Variants in SHOC1 observed in about 807,000 individuals in gnomAD.
SHOC1 encodes shortage in chiasmata 1.
SHOC1 carries 136 observed loss-of-function variants against 179.2 expected under a neutral mutation model. The ratio of observed to expected loss-of-function variants is 0.76; its 90% CI spans 0.66 to 0.87. The LOEUF is 0.87. Among genes scored for constraint, SHOC1 ranks in the 40% least tolerant of loss-of-function variants. SHOC1 has a pLI of 0.00. For missense variants in SHOC1, 1,538 were observed against 1,700.8 expected (o/e 0.90, Z 1.68); for synonymous variants, 489 against 586.6 (o/e 0.83, Z 2.41).
intron 3 of SHOC1, 130 bp from the exon 4 acceptor site, chr9:111,781,147 T>C (rs2131633001): frequency 1.5e-6 from 1 of 655,926 alleles, no homozygotes; most frequent in Non-Finnish European, 2.6e-6. Context: ...TTCAAAGTGA[T>C]ACCTGATTCC....
In SHOC1 at chr9:111,785,950, G is replaced by A; in HGVS notation, c.131C>T (p.Ala44Val). 6.6e-7 allele frequency: 1 copy of A among 1,522,834 alleles called. No individual in the cohort carries two copies. Among genetic ancestry groups the A allele is most frequent in the Non-Finnish European group, 8.8e-7 (1 of 1,135,854 alleles). 94.3% of individuals were successfully genotyped at this position (1,522,834 alleles called of 1,614,324 possible). A position where few individuals can be genotyped will look rare whatever the true frequency, so the allele number is the denominator to read the frequency against. The part of the protein sequence containing the change: ...CLYQDESYHV[A>V]VTDNKFRRPW... Reference sequence around the variant, plus strand: ...CCTCCTAAATTTATTATCAGTAACTGCTACATGGTAACTTTCATCTTGATA... The same window carrying A: ...CCTCCTAAATTTATTATCAGTAACTACTACATGGTAACTTTCATCTTGATA... The change falls in exon 3 of 28, where the codon GCA becomes GTA. Residue 44 changes from alanine to valine, a missense_variant. Ala to Val is a moderately conservative substitution (Grantham distance 64). Transcript: ENST00000682961.
At chr9:111,715,775 C>G (rs1253571301) in intron 16 of SHOC1, among the ~76,000 whole-genome samples, 2 of 152,032 alleles carry the variant, frequency 1.3e-5, no homozygotes, top group Admixed American at 6.5e-5. Flanking sequence ...TAAAAACATA[C>G]CCATCTTAAG....
At chr9:111,731,198 T>G (rs1209994270) in intron 12 of SHOC1, among the ~76,000 whole-genome samples, 3 of 152,218 alleles carry the variant, frequency 2.0e-5, no homozygotes, top group Non-Finnish European at 2.9e-5. Flanking sequence ...GCAATAAGAC[T>G]ATTTAACTTT....
intron 11 of SHOC1, among the ~76,000 whole-genome samples, chr9:111,740,260 TCTACA>T (rs1833973791): frequency 6.6e-6 from 1 of 152,192 alleles, no homozygotes; most frequent in African/African-American, 2.4e-5. Context: ...ATTTCTTGAC[TCTACA>T]CTACATGTCG....
chr9:111,714,759 A>C (rs1403847524), intron 16 of SHOC1, 136 bp from the exon 17 acceptor site: 1 of 771,284 alleles, frequency 1.3e-6, no homozygotes, highest in Non-Finnish European at 2.0e-6. Flanking sequence ...ATTTTGATCA[A>C]AGACACTAAT....
chr9:111,723,337 A>G (rs1356841586), intron 14 of SHOC1, among the ~76,000 whole-genome samples: 1 of 152,214 alleles, frequency 6.6e-6, no homozygotes, highest in African/African-American at 2.4e-5. Context: ...TTAATAATGA[A>G]TCTGATGTTC....
chr9:111,771,798 T>A (rs1291161530), intron 5 of SHOC1, among the ~76,000 whole-genome samples: 1 of 152,178 alleles, frequency 6.6e-6, no homozygotes, highest in East Asian at 1.9e-4. Context: ...TTGGAGGTCC[T>A]TTATATGTTA....
intron 24 of SHOC1, among the ~76,000 whole-genome samples, chr9:111,694,792 A>G (rs1030048925): frequency 1.3e-5 from 2 of 152,126 alleles, no homozygotes; most frequent in Non-Finnish European, 2.9e-5. Context: ...CAAAGTTAAA[A>G]AATAAGGATA....
Position 111,694,267 on chromosome 9 carries a change from C to G in SHOC1, c.3279G>C (p.Trp1093Cys). 1 of 1,611,110 alleles carries G rather than the reference C, an allele frequency of 6.2e-7. No homozygotes were observed. The highest frequency in any genetic ancestry group is 8.5e-7 in the Non-Finnish European group (1 of 1,178,210). ...AAACTTTAAGCCAGGATTTATCCAA[C>G]CATTCATGAGGATCTCTCTTTGAGG... ...LMTSKRDPHE[W>C]LDKSWLKVSP... Residue 1093 changes from tryptophan to cysteine, a missense_variant, in exon 25 of 28, where the codon TGG (tryptophan) becomes TGC (cysteine). Coordinates refer to ENST00000682961, the MANE Select transcript of SHOC1 (RefSeq NM_001378211.1).
chr9:111,777,872 G>T (rs899803573), intron 4 of SHOC1, among the ~76,000 whole-genome samples: 1 of 152,114 alleles, frequency 6.6e-6, no homozygotes, highest in Non-Finnish European at 1.5e-5. Flanking sequence ...GAAAGCTTTA[G>T]AATTTATCCT....
chr9:111,794,051 C>T (rs1836539969), intron 1 of SHOC1, among the ~76,000 whole-genome samples: 1 of 151,124 alleles, frequency 6.6e-6, no homozygotes, highest in African/African-American at 2.4e-5. Context: ...GGGGTTTCGC[C>T]ATGTTGGCCA....
chr9:111,713,143 G>C lies in SHOC1; in HGVS notation c.2445C>G (p.Asp815Glu). 1 of 1,570,422 alleles carries C rather than the reference G, an allele frequency of 6.4e-7. No homozygotes were observed. Among genetic ancestry groups the C allele is most frequent in the Non-Finnish European group, 8.7e-7 (1 of 1,145,212 alleles). ...KVLIIIRMDSDGEKHFLIKIL... is the reference protein window; with the variant it reads ...KVLIIIRMDSEGEKHFLIKIL... ...TTTTAATGAGAAAATGTTTTTCACCGTCTGAGTCCATTCTTATTATAATCA... is the reference window on the plus strand; with the variant it reads ...TTTTAATGAGAAAATGTTTTTCACCCTCTGAGTCCATTCTTATTATAATCA... The change falls in exon 18 of 28, where the codon GAC becomes GAG. Residue 815 changes from aspartate (D) to glutamate (E), a missense_variant. Physicochemically the swap from Asp to Glu is conservative, Grantham distance 45 (BLOSUM62 2). Transcript: ENST00000682961.
chr9:111,751,870 A>C (rs1449062865), intron 8 of SHOC1, among the ~76,000 whole-genome samples: 3 of 152,232 alleles, frequency 2.0e-5, no homozygotes, highest in Admixed American at 6.5e-5. Context: ...AGAGATATTA[A>C]TAGAATCCTA....
intron 5 of SHOC1, among the ~76,000 whole-genome samples, chr9:111,767,173 G>A (rs1317052392): frequency 6.6e-6 from 1 of 151,792 alleles, no homozygotes; most frequent in Non-Finnish European, 1.5e-5. Context: ...TTCTTTTGTT[G>A]TGCAGAAGCT....
In SHOC1 at chr9:111,691,757, C is replaced by A. The variant is rs776038683; in HGVS notation, c.4220G>T (p.Gly1407Val). Residue 1407 changes from glycine (G) to valine (V), a missense_variant, in exon 27 of 28, where the codon GGC (glycine) becomes GTC (valine). Transcript: ENST00000682961. The part of the protein sequence containing the change: ...QQKCLSDESE[G>V]LTCESSKDET... ...ATCTTTTGAACTTTCACATGTGAGG[C>A]CTTCAGACTCATCTGATAGACATTT... The A allele has an allele frequency of 2.5e-6, 4 of 1,613,834 alleles. No individual in the cohort carries two copies. Among genetic ancestry groups the A allele is most frequent in the African/African-American group, 1.3e-5 (1 of 74,910 alleles).
chr9:111,736,710 C>T (rs1045134762), intron 12 of SHOC1, among the ~76,000 whole-genome samples: 3 of 151,986 alleles, frequency 2.0e-5, no homozygotes, highest in Non-Finnish European at 4.4e-5. Context: ...CAAAAATTGC[C>T]GAGTGGGACC....
At chr9:111,737,171 A>C (rs1373415256) in intron 12 of SHOC1, among the ~76,000 whole-genome samples, 2 of 152,178 alleles carry the variant, frequency 1.3e-5, no homozygotes, top group Non-Finnish European at 1.5e-5. Context: ...AAAGAACTTA[A>C]AACAGAACTA....
At chr9:111,791,978 T>C (rs574283012) in intron 1 of SHOC1, among the ~76,000 whole-genome samples, 1 of 152,346 alleles carries the variant, frequency 6.6e-6, no homozygotes, top group Non-Finnish European at 1.5e-5. Context: ...GGCAGAACTC[T>C]GTGCTGAAAC....
At chr9:111,792,874 G>C (rs1836493316) in intron 1 of SHOC1, among the ~76,000 whole-genome samples, 1 of 151,120 alleles carries the variant, frequency 6.6e-6, no homozygotes, top group Non-Finnish European at 1.5e-5. Context: ...TTTCCACCCA[G>C]TGTATCACTG....
Sources: allele counts gnomAD v4.1 joint callset (sites outside exome capture counted in the v4.1 genomes callset), GRCh38; gene constraint gnomAD v4.1.1; transcripts MANE v1.5; gene names NCBI Gene and HGNC (gene_info 2026-07-23, HGNC 2026-07-21).